RASA1: variants seen among roughly 807,000 people sequenced by gnomAD.
The protein encoded by RASA1 is ras GTPase-activating protein 1.
A neutral mutation model predicts 132.2 loss-of-function variants in RASA1; 25 were observed. That is an observed-to-expected ratio of 0.19 (90% confidence interval 0.14 to 0.26). The LOEUF is 0.26. Ranked by LOEUF, RASA1 falls within the 10% of genes least tolerant of loss-of-function variation. The pLI is 1.00. For missense variants in RASA1, 964 were observed against 1,299.2 expected, an observed-to-expected ratio of 0.74 and a Z score of 3.97; for synonymous variants, 477 against 449.9, an observed-to-expected ratio of 1.06 and a Z score of -0.76.
chr5:87,362,619 A>C lies in RASA1; in HGVS notation c.1401A>C (p.Thr467=), dbSNP rs1239635800. Residue 467 remains threonine (T), a synonymous_variant, in exon 10 of 25, where the codon ACA becomes ACC. Coordinates refer to ENST00000274376, the MANE Select transcript of RASA1 (RefSeq NM_002890.3). ...TCTATAATACCATCCGTCGTAAAAC[A>C]AAGGATGCCTTTTATAAAAACATTG... ...KEIYNTIRRK[T]KDAFYKNIVK... The C allele has an allele frequency of 6.3e-7, 1 of 1,598,708 alleles. No individual in the cohort carries two copies. Among genetic ancestry groups the C allele is most frequent in the Admixed American group, 1.7e-5 (1 of 59,976 alleles).
At chr5:87,328,409 G>C (rs1757388384) in intron 1 of RASA1, among the ~76,000 whole-genome samples, 1 of 152,158 alleles carries the variant, frequency 6.6e-6, no homozygotes, top group Admixed American at 6.5e-5. Flanking sequence ...AGACTTAAGA[G>C]TAATAGTGGG....
At chr5:87,273,700 CTT>C (rs539277152) in intron 1 of RASA1, among the ~76,000 whole-genome samples, 20 of 138,330 alleles carry the variant, frequency 1.4e-4, no homozygotes, top group East Asian at 2.1e-4. Context: ...TTTTCTTTTT[CTT>C]TTTTTTTTTT....
chr5:87,355,494 A>ATTT (rs1759586221), intron 9 of RASA1, among the ~76,000 whole-genome samples: 1 of 152,192 alleles, frequency 6.6e-6, no homozygotes, highest in African/African-American at 2.4e-5. Context: ...CTCAGAACAA[A>ATTT]CAATTCCTTT....
At chr5:87,300,828 G>T (rs1264667780) in intron 1 of RASA1, among the ~76,000 whole-genome samples, 1 of 152,102 alleles carries the variant, frequency 6.6e-6, no homozygotes. Context: ...AATGAAAAAT[G>T]GTGACAAAAT....
intron 1 of RASA1, among the ~76,000 whole-genome samples, chr5:87,305,711 G>T (rs939146086): frequency 6.6e-6 from 1 of 152,118 alleles, no homozygotes; most frequent in African/African-American, 2.4e-5. Flanking sequence ...CCACAGAATG[G>T]GAGAAAATTT....
Position 87,391,452 on chromosome 5 carries a change from T to C in RASA1, c.*569T>C, listed in dbSNP as rs552011303. On this transcript the variant is annotated 3_prime_UTR_variant, in exon 25 of 25. Transcript: ENST00000274376. ...TACTTTTAAAAAATACTCTGCTATTTCTCTTGCTGGAACTGTTGAAAGAAA... is the reference window on the plus strand; with the variant it reads ...TACTTTTAAAAAATACTCTGCTATTCCTCTTGCTGGAACTGTTGAAAGAAA... 8.2e-6 allele frequency: 2 copies of C among 242,682 alleles called. No individual in the cohort carries two copies. Among genetic ancestry groups the C allele is most frequent in the East Asian group, 5.9e-5 (1 of 16,954 alleles). The allele number at this position is 242,682 out of a possible 1,614,324, so 15.0% of individuals were successfully genotyped here.
chr5:87,358,031 A>G (rs1487228470), intron 9 of RASA1, among the ~76,000 whole-genome samples: 1 of 152,184 alleles, frequency 6.6e-6, no homozygotes, highest in Non-Finnish European at 1.5e-5. Flanking sequence ...TCATTCTTCA[A>G]GCAGGGTTTT....
At chr5:87,340,440 C>A (rs905535022) in intron 5 of RASA1, among the ~76,000 whole-genome samples, 2 of 151,632 alleles carry the variant, frequency 1.3e-5, no homozygotes, top group Admixed American at 6.6e-5. Context: ...TAAGCCTACT[C>A]CCTTGGATAT....
At chr5:87,338,595 C>T (rs1023550801) in intron 5 of RASA1, among the ~76,000 whole-genome samples, 14 of 144,594 alleles carry the variant, frequency 9.7e-5, no homozygotes, top group Admixed American at 6.3e-4. Context: ...TGGTCTCAAA[C>T]GCCTGACCTC....
chr5:87,386,911 T>TTC lies in RASA1; in HGVS notation c.2925+8_2925+9insTC. On this transcript the variant is annotated intron_variant, in intron 23 of 24. Coordinates refer to ENST00000274376, the MANE Select transcript of RASA1 (RefSeq NM_002890.3). ...TTTTTAGATGAACTTGGGGTATGTATATAGTTTTCAGGTACTTTTTTTAAG... is the reference window on the plus strand; with the variant it reads ...TTTTTAGATGAACTTGGGGTATGTATTCATAGTTTTCAGGTACTTTTTTTAAG... 6.2e-7 allele frequency: 1 copy of TTC among 1,607,142 alleles called. No individual in the cohort carries two copies.
rs1383721664 is a variant in RASA1 at position 87,269,258 on chromosome 5, C to A, written c.539+268C>A. On this transcript the variant is annotated intron_variant, in intron 1 of 24. Transcript: ENST00000274376. ...GAGAAAATGTGTATCTAATGAGAAC[C>A]GGATATAGTTCTGTCCCTTCCAAGT... 4 of 1,539,218 alleles carry A rather than the reference C, an allele frequency of 2.6e-6. No homozygotes were observed. The African/African-American group carries it at 4.1e-5, about 16-fold the overall frequency.
At chr5:87,299,196 C>T (rs1316815555) in intron 1 of RASA1, among the ~76,000 whole-genome samples, 2 of 152,152 alleles carry the variant, frequency 1.3e-5, no homozygotes, top group East Asian at 3.8e-4. Flanking sequence ...TTTTTCTAAA[C>T]TTACATGCTT....
At chr5:87,299,333 C>T (rs1166776021) in intron 1 of RASA1, among the ~76,000 whole-genome samples, 1 of 152,038 alleles carries the variant, frequency 6.6e-6, no homozygotes, top group South Asian at 2.1e-4. Context: ...TTTGGAAAAC[C>T]TGAGTTTGTG....
Position 87,369,895 on chromosome 5 carries a change from G to T in RASA1, c.1693G>T (p.Ala565Ser), listed in dbSNP as rs1169930236. 6.2e-7 allele frequency: 1 copy of T among 1,604,110 alleles called. No homozygotes were observed. The highest frequency in any genetic ancestry group is 8.5e-7 in the Non-Finnish European group (1 of 1,171,634). The change falls in exon 12 of 25, where the codon GCA becomes TCA. Residue 565 changes from alanine to serine, a missense_variant. Ala to Ser is a moderately conservative substitution (Grantham distance 99). Around this residue, in one of 6 missense-constraint regions of RASA1, gnomAD observed 346 missense variants for 520.1 expected, o/e 0.67. Transcript: ENST00000274376. ...FYFAGETPEQ[A>S]EDWMKGLQAF... The stretch of plus-strand genomic sequence containing the variant: ...CTTTGCAGGAGAAACTCCAGAACAA[G>T]CAGAGGTAAGATTACTGTTTCTCAA...
At chr5:87,283,705 A>C (rs541789085) in intron 1 of RASA1, among the ~76,000 whole-genome samples, 2 of 152,248 alleles carry the variant, frequency 1.3e-5, no homozygotes, top group African/African-American at 4.8e-5. Context: ...CAAGTCACAG[A>C]GCCTACCAAG....
rs149017557 is a variant in RASA1, at chr5:87,272,188, T to C, written c.539+3198T>C. The stretch of plus-strand genomic sequence containing the variant: ...ACCATGATTGAGTACTTATGAAAAA[T>C]TGTGAGAAATTCATTGTGTGGGATT... On this transcript the variant is annotated intron_variant, in intron 1 of 24. Transcript: ENST00000274376. Among the ~76,000 whole-genome samples the C allele has an allele frequency of 3.2e-4, 48 of 151,942 alleles. 1 individual carries two copies. In the East Asian group the frequency reaches 9.3e-3, roughly 29 times the overall value.
At chr5:87,289,560 AG>A (rs999157896) in intron 1 of RASA1, among the ~76,000 whole-genome samples, 30 of 152,082 alleles carry the variant, frequency 2.0e-4, no homozygotes, top group Non-Finnish European at 4.0e-4. Flanking sequence ...GTAGGCTTGT[AG>A]GGGAGATTAG....
intron 20 of RASA1, among the ~76,000 whole-genome samples, chr5:87,381,334 G>A (rs1164377189): frequency 2.0e-5 from 3 of 152,112 alleles, no homozygotes; most frequent in Non-Finnish European, 2.9e-5. Context: ...CTTATTGTAG[G>A]CTTTTGCTTT....
At chr5:87,363,554 A>G (rs760563728) in intron 11 of RASA1, 50 bp downstream of exon 11, 2 of 1,580,088 alleles carry the variant, frequency 1.3e-6, no homozygotes, top group Non-Finnish European at 1.7e-6. Flanking sequence ...TAATAATAAA[A>G]TAGTACAAAC....
Sources: allele counts gnomAD v4.1 joint callset (sites outside exome capture counted in the v4.1 genomes callset), GRCh38; gene constraint gnomAD v4.1.1; regional missense constraint gnomAD v4.1.1; transcripts MANE v1.5; gene names NCBI Gene and HGNC (gene_info 2026-07-23, HGNC 2026-07-21).